The following PRRT1B variants were observed in gnomAD, a reference collection of about 807,000 sequenced individuals.
The protein encoded by PRRT1B is dispanin subfamily D member 2.
chr9:131,549,585 C>T (rs1950997366), intron 1 of PRRT1B, among the ~76,000 whole-genome samples: 1 of 152,220 alleles, frequency 6.6e-6, no homozygotes, highest in Non-Finnish European at 1.5e-5. Flanking sequence ...GCCTCAGAAG[C>T]CCCCTAGACC....
At chr9:131,547,416 C>T (rs1950983722) in intron 1 of PRRT1B, among the ~76,000 whole-genome samples, 1 of 152,140 alleles carries the variant, frequency 6.6e-6, no homozygotes, top group African/African-American at 2.4e-5. Flanking sequence ...TCACTGAGCA[C>T]CTTGTGACTC....
intron 3 of PRRT1B, among the ~76,000 whole-genome samples, chr9:131,556,756 C>T (rs1403248727): frequency 1.3e-5 from 2 of 152,044 alleles, no homozygotes; most frequent in African/African-American, 2.4e-5. Context: ...CTCAGCCTCC[C>T]GAATAGCTGG....
chr9:131,548,128 T>C (rs1459872141), intron 1 of PRRT1B, among the ~76,000 whole-genome samples: 2 of 152,078 alleles, frequency 1.3e-5, no homozygotes, highest in Non-Finnish European at 2.9e-5. Flanking sequence ...CTCACCCACA[T>C]TGCAGCCAGG....
At chr9:131,556,343 T>G in intron 3 of PRRT1B, 130 bp downstream of exon 3, 1 of 397,034 alleles carries the variant, frequency 2.5e-6, no homozygotes, top group African/African-American at 2.1e-5. Flanking sequence ...GGGTGGGAAT[T>G]GGGAAGTCAG....
intron 1 of PRRT1B, among the ~76,000 whole-genome samples, chr9:131,550,906 C>A (rs1231957964): frequency 7.0e-6 from 1 of 142,844 alleles, no homozygotes; most frequent in Non-Finnish European, 1.5e-5. Flanking sequence ...GACCTTGTGT[C>A]TTCCGTTTAG....
At chr9:131,547,461 C>G (rs986839557) in intron 1 of PRRT1B, among the ~76,000 whole-genome samples, 3 of 152,186 alleles carry the variant, frequency 2.0e-5, no homozygotes, top group African/African-American at 4.8e-5. Flanking sequence ...CCCCCTTTGA[C>G]TGTAATTTTC....
intron 1 of PRRT1B, among the ~76,000 whole-genome samples, chr9:131,553,508 G>C (rs1260738691): frequency 6.6e-6 from 1 of 152,196 alleles, no homozygotes; most frequent in Non-Finnish European, 1.5e-5. Context: ...GCTGCTGGGA[G>C]GGGGTTGAGG....
Position 131,551,097 on chromosome 9 carries a change from C to G in PRRT1B, c.26-3460C>G, listed in dbSNP as rs1951009204. 1.3e-5 allele frequency among the ~76,000 whole-genome samples: 2 copies of G among 151,866 alleles called. No individual in the cohort carries two copies. The highest frequency in any genetic ancestry group is 4.8e-5 in the African/African-American group (2 of 41,330). On this transcript the variant is annotated intron_variant, in intron 1 of 3. Coordinates refer to ENST00000636672, the Ensembl canonical transcript of PRRT1B. This position sits in a 1 kb window ranked among gnomAD's most constrained non-coding sequence, Gnocchi z 4.4. ...AGCTGGGACTACAGGCACCCGCCAC[C>G]ATGCTCCGCTAATTTTTTGTATTTT...
intron 3 of PRRT1B, among the ~76,000 whole-genome samples, chr9:131,556,509 A>G (rs1342957519): frequency 6.6e-6 from 1 of 152,142 alleles, no homozygotes; most frequent in Admixed American, 6.5e-5. Flanking sequence ...TTGTGTTTTA[A>G]AGGGGGTACA....
At chr9:131,549,697 C>T in intron 1 of PRRT1B, among the ~76,000 whole-genome samples, 1 of 152,192 alleles carries the variant, frequency 6.6e-6, no homozygotes, top group East Asian at 1.9e-4. Flanking sequence ...CTTCAAGGGC[C>T]TGTTTCCTTT....
At chr9:131,558,117 C>T (rs1413072049) in exon 4 of PRRT1B, 12 of 400,888 alleles carry the variant, frequency 3.0e-5, no homozygotes, top group South Asian at 2.5e-4. Context: ...AAGGCCCGCT[C>T]GCTGGTGCTC....
At chr9:131,546,970 A>G (rs923705874) in intron 1 of PRRT1B, among the ~76,000 whole-genome samples, 1 of 151,560 alleles carries the variant, frequency 6.6e-6, no homozygotes, top group African/African-American at 2.4e-5. Flanking sequence ...CGGTTCCCTC[A>G]TTAGTAAAAT....
intron 3 of PRRT1B, among the ~76,000 whole-genome samples, chr9:131,557,801 C>A (rs952503720): frequency 1.3e-5 from 2 of 152,348 alleles, no homozygotes; most frequent in African/African-American, 2.4e-5. Context: ...AGCCTCAGGG[C>A]TGCTGCAAGG....
At chr9:131,547,649 A>C (rs1437822729) in intron 1 of PRRT1B, among the ~76,000 whole-genome samples, 2 of 151,748 alleles carry the variant, frequency 1.3e-5, no homozygotes, top group African/African-American at 4.8e-5. Flanking sequence ...AGATCGGGGG[A>C]CCTCCCTTGG....
intron 1 of PRRT1B, among the ~76,000 whole-genome samples, chr9:131,550,151 A>C (rs113604594): frequency 0.12 from 18,486 of 151,978 alleles, 1,338 homozygotes; most frequent in Middle Eastern, 0.26. Context: ...CTCCCCTTAC[A>C]ATTCCCCCAT....
chr9:131,558,708 GGTT>G (rs1951066546), downstream of PRRT1B: 1 of 152,476 alleles, frequency 6.6e-6, no homozygotes, highest in Admixed American at 6.5e-5. Context: ...ACTTCTGGCT[GGTT>G]GTTCCCCTAT....
At chr9:131,557,627 A>C (rs904689209) in intron 3 of PRRT1B, among the ~76,000 whole-genome samples, 2 of 152,210 alleles carry the variant, frequency 1.3e-5, no homozygotes, top group Non-Finnish European at 2.9e-5. Context: ...TCTGCTGTTC[A>C]AGCCCCCAGC....
At chr9:131,549,057 G>A (rs948140853) in intron 1 of PRRT1B, among the ~76,000 whole-genome samples, 2 of 152,102 alleles carry the variant, frequency 1.3e-5, no homozygotes, top group African/African-American at 4.8e-5. Context: ...GACCCTAAAA[G>A]GTCAAAAGGC....
chr9:131,548,147 C>T (rs893786462), intron 1 of PRRT1B, among the ~76,000 whole-genome samples: 24 of 152,118 alleles, frequency 1.6e-4, no homozygotes, highest in African/African-American at 5.8e-4. Flanking sequence ...GGGCTGCTCA[C>T]CCAACCCATT....
Sources: allele counts gnomAD v4.1 joint callset (sites outside exome capture counted in the v4.1 genomes callset), GRCh38; gene constraint gnomAD v4.1.1; non-coding constraint Gnocchi (gnomAD v3.1); transcripts MANE v1.5; gene names NCBI Gene and HGNC (gene_info 2026-07-23, HGNC 2026-07-21).